HSD17B4: variants seen among roughly 807,000 people sequenced by gnomAD.
The protein encoded by HSD17B4 is peroxisomal multifunctional enzyme type 2.
Under a neutral mutation model 101.0 loss-of-function variants are expected in HSD17B4, and 70 were observed. The observed-to-expected ratio is 0.69, with a 90% CI of 0.57 to 0.85. The LOEUF is 0.85. HSD17B4 is among the 40% of genes least tolerant of loss of function. The pLI is 0.00. For synonymous variants in HSD17B4, 347 were observed against 297.1 expected, an observed-to-expected ratio of 1.17 and a Z score of -1.73; for missense variants, 984 against 892.4, an observed-to-expected ratio of 1.10 and a Z score of -1.31.
At chr5:119,516,108 A>G (rs1026606135) in intron 17 of HSD17B4, among the ~76,000 whole-genome samples, 4 of 152,216 alleles carry the variant, frequency 2.6e-5, no homozygotes, top group Non-Finnish European at 1.5e-5. Flanking sequence ...GCCAGAGAGA[A>G]TTAAAGTTGG....
At chr5:119,530,837 G>A (rs1376101930) in intron 21 of HSD17B4, among the ~76,000 whole-genome samples, 1 of 105,184 alleles carries the variant, frequency 9.5e-6, no homozygotes, top group Non-Finnish European at 1.7e-5. Context: ...TGGGCGACAA[G>A]TCTGTCTCAA....
At chr5:119,528,611 G>C (rs930970385) in intron 20 of HSD17B4, among the ~76,000 whole-genome samples, 1 of 151,984 alleles carries the variant, frequency 6.6e-6, no homozygotes, top group African/African-American at 2.4e-5. Context: ...AGTAAGTTTT[G>C]CTTTTTGATT....
intron 9 of HSD17B4, among the ~76,000 whole-genome samples, chr5:119,489,595 T>A (rs963061749): frequency 6.6e-6 from 1 of 152,028 alleles, no homozygotes; most frequent in Non-Finnish European, 1.5e-5. Context: ...GAGTTTAGAG[T>A]CAACCAGGCC....
intron 2 of HSD17B4, among the ~76,000 whole-genome samples, chr5:119,466,667 TTG>T (rs1235332290): frequency 1.3e-5 from 2 of 152,112 alleles, no homozygotes; most frequent in Non-Finnish European, 2.9e-5. Flanking sequence ...CTGATTTTAT[TTG>T]TGTTTTCTCT....
intron 3 of HSD17B4, 124 bp downstream of exon 3, chr5:119,474,139 G>C: frequency 1.4e-6 from 1 of 711,218 alleles, no homozygotes; most frequent in Non-Finnish European, 2.5e-6. Flanking sequence ...GTCTGCCAAA[G>C]TTTTCTGACT....
intron 22 of HSD17B4, 105 bp downstream of exon 22, chr5:119,531,509 T>TAAAA: frequency 2.6e-6 from 3 of 1,169,178 alleles, no homozygotes; most frequent in Non-Finnish European, 3.8e-6. Context: ...CTTACCTTTT[T>TAAAA]AGGTAAGTTT....
At chr5:119,482,752 A>G (rs1036493428) in intron 8 of HSD17B4, among the ~76,000 whole-genome samples, 3 of 151,984 alleles carry the variant, frequency 2.0e-5, no homozygotes, top group African/African-American at 7.3e-5. Context: ...TGCAGCTCTC[A>G]CTTGTAATTG....
At position 119,542,007 on chromosome 5, in the gene HSD17B4, A is replaced by G. The variant is rs748437064; in HGVS notation, c.*13A>G. The G allele has an allele frequency of 2.6e-6, 4 of 1,544,518 alleles. No homozygotes were observed. Among genetic ancestry groups the G allele is most frequent in the Non-Finnish European group, 3.6e-6 (4 of 1,117,694 alleles). ...CGCCAAGCTCTGAAGGGCACACTAC[A>G]CTATTAATAAAAATGGAATCATTAA... is the stretch of plus-strand genomic sequence containing the variant. On this transcript the variant is annotated 3_prime_UTR_variant, in exon 24 of 24. Transcript: ENST00000510025.
chr5:119,513,070 C>G (rs1262147336), intron 16 of HSD17B4, among the ~76,000 whole-genome samples: 1 of 152,066 alleles, frequency 6.6e-6, no homozygotes, highest in African/African-American at 2.4e-5. Flanking sequence ...AAAAGTTGTC[C>G]TCACTTATTG....
At position 119,515,027 on chromosome 5, in the gene HSD17B4, A is replaced by T. The variant is rs755720085; in HGVS notation, c.1484A>T (p.Asp495Val). 1 of 1,583,458 alleles carries T rather than the reference A, an allele frequency of 6.3e-7. No individual in the cohort carries two copies. The highest frequency in any genetic ancestry group is 1.7e-5 in the Admixed American group (1 of 59,990). ...AGACCTCCTGATGCTGTACTTACAGATACCACCTCTCTTAATCAGGTAAGA... is the reference window on the plus strand; with the variant it reads ...AGACCTCCTGATGCTGTACTTACAGTTACCACCTCTCTTAATCAGGTAAGA... ...PNRPPDAVLT[D>V]TTSLNQAALY... The change falls in exon 17 of 24, where the codon GAT becomes GTT. Residue 495 changes from aspartate to valine, a missense_variant. By Grantham distance (152) the Asp-to-Val change is radical. Transcript: ENST00000510025.
intron 17 of HSD17B4, among the ~76,000 whole-genome samples, chr5:119,515,764 T>C (rs2126837186): frequency 6.6e-6 from 1 of 152,258 alleles, no homozygotes; most frequent in African/African-American, 2.4e-5. Flanking sequence ...AGTAACGCAG[T>C]GTGTGTGCAT....
At chr5:119,523,926 T>C (rs946633514) in intron 17 of HSD17B4, among the ~76,000 whole-genome samples, 3 of 152,156 alleles carry the variant, frequency 2.0e-5, no homozygotes, top group Admixed American at 6.6e-5. Context: ...TAGATCTGAC[T>C]AGTACCAAAT....
chr5:119,525,255 C>T lies in HSD17B4; in HGVS notation c.1543C>T (p.His515Tyr), dbSNP rs201400560. ...YRLSGDWNPL[H>Y]IDPNFASLAG... ...CCTCAGTGGAGACTGGAATCCCTTA[C>T]ACATTGATCCTAACTTTGCTAGTCT... The change falls in exon 18 of 24, where the codon CAC (histidine) becomes TAC (tyrosine). Residue 515 changes from histidine to tyrosine, a missense_variant. Physicochemically the swap from His to Tyr is moderately conservative, Grantham distance 83. Coordinates refer to ENST00000510025, the MANE Select transcript of HSD17B4 (RefSeq NM_000414.4). The T allele has an allele frequency of 4.3e-6, 7 of 1,611,962 alleles. No individual in the cohort carries two copies. Among genetic ancestry groups the T allele is most frequent in the East Asian group, 2.2e-5 (1 of 44,840 alleles).
intron 20 of HSD17B4, among the ~76,000 whole-genome samples, chr5:119,529,399 A>G (rs1307307533): frequency 6.6e-6 from 1 of 152,174 alleles, no homozygotes; most frequent in Non-Finnish European, 1.5e-5. Flanking sequence ...CACTATTATG[A>G]TTTGTTCCTA....
intron 8 of HSD17B4, among the ~76,000 whole-genome samples, chr5:119,479,663 A>G (rs765248078): frequency 6.6e-6 from 1 of 152,088 alleles, no homozygotes; most frequent in South Asian, 2.1e-4. Context: ...ATTCTCAGGG[A>G]TTGAAGCTCA....
chr5:119,528,602 G>A (rs1421498166), intron 20 of HSD17B4, among the ~76,000 whole-genome samples: 1 of 152,020 alleles, frequency 6.6e-6, no homozygotes, highest in African/African-American at 2.4e-5. Flanking sequence ...TTTTGTATGA[G>A]TAAGTTTTGC....
intron 16 of HSD17B4, among the ~76,000 whole-genome samples, chr5:119,510,655 C>G (rs925873615): frequency 6.6e-6 from 1 of 152,168 alleles, no homozygotes; most frequent in African/African-American, 2.4e-5. Flanking sequence ...GGGTATAGAG[C>G]AAATGAAGAA....
At chr5:119,486,013 T>C (rs991601446) in intron 8 of HSD17B4, among the ~76,000 whole-genome samples, 1 of 152,168 alleles carries the variant, frequency 6.6e-6, no homozygotes, top group African/African-American at 2.4e-5. Context: ...TTGGAGGATT[T>C]ACTTCCAAGC....
chr5:119,472,054 A>G (rs1427746634), intron 2 of HSD17B4, among the ~76,000 whole-genome samples: 1 of 152,246 alleles, frequency 6.6e-6, no homozygotes, highest in Non-Finnish European at 1.5e-5. Flanking sequence ...AAGTGTCATC[A>G]GTTAAACATA....
Sources: allele counts gnomAD v4.1 joint callset (sites outside exome capture counted in the v4.1 genomes callset), GRCh38; gene constraint gnomAD v4.1.1; transcripts MANE v1.5; gene names NCBI Gene and HGNC (gene_info 2026-07-23, HGNC 2026-07-21).